The following MTF2 variants were observed in gnomAD, a reference collection of about 807,000 sequenced individuals.
MTF2 encodes metal-response element-binding transcription factor 2.
MTF2 carries 11 observed loss-of-function variants against 79.5 expected under a neutral mutation model. The observed-to-expected ratio is 0.14, with a 90% CI of 0.09 to 0.23. MTF2 has a LOEUF of 0.23. MTF2 is among the 10% of genes least tolerant of loss of function. The probability of loss-of-function intolerance (pLI) is 1.00; values close to 1 mark genes in which losing one functional copy is unlikely to be tolerated. For missense variants in MTF2, 486 were observed against 711.2 expected (o/e 0.68, Z 3.60); for synonymous variants, 208 against 232.8 (o/e 0.89, Z 0.97).
intron 1 of MTF2, among the ~76,000 whole-genome samples, chr1:93,105,739 G>C (rs915893178): frequency 6.6e-6 from 1 of 151,690 alleles, no homozygotes; most frequent in African/African-American, 2.4e-5. Context: ...GCAATGCTGC[G>C]GTCTCGGCTC....
At chr1:93,118,304 G>A in intron 6 of MTF2, 41 bp from the exon 7 acceptor site, 4 of 1,134,668 alleles carry the variant, frequency 3.5e-6, no homozygotes, top group South Asian at 3.1e-5. Flanking sequence ...TTTCCCTTAA[G>A]ACAGGAATTT....
At chr1:93,101,683 T>A (rs2101042625) in intron 1 of MTF2, among the ~76,000 whole-genome samples, 1 of 146,172 alleles carries the variant, frequency 6.8e-6, no homozygotes, top group Admixed American at 7.1e-5. Context: ...GCTCACGCAA[T>A]TCTCCCATCT....
At chr1:93,111,340 C>G (rs1299787863) in intron 3 of MTF2, among the ~76,000 whole-genome samples, 1 of 152,054 alleles carries the variant, frequency 6.6e-6, no homozygotes, top group Non-Finnish European at 1.5e-5. Context: ...TTTCCTTTTG[C>G]TGGGTTAATA....
chr1:93,114,685 T>G lies in MTF2; in HGVS notation c.287-3T>G, dbSNP rs1269934700. 6.3e-7 allele frequency: 1 copy of G among 1,583,714 alleles called. No homozygotes were observed. Among genetic ancestry groups the G allele is most frequent in the Non-Finnish European group, 8.5e-7 (1 of 1,169,816 alleles). ...CTTTTTTAATGTGTTTTAAATATTT[T>G]AGGAGCCACTGGAAGTGGGGAAATG... On this transcript the variant is annotated splice_polypyrimidine_tract_variant and splice_region_variant and intron_variant, in intron 3 of 14. Coordinates refer to ENST00000370298, the MANE Select transcript of MTF2 (RefSeq NM_007358.4).
intron 5 of MTF2, 88 bp from the exon 6 acceptor site, chr1:93,115,382 C>G: frequency 9.2e-7 from 1 of 1,091,884 alleles, no homozygotes. Context: ...GGAAATTTCT[C>G]CAGAAGTGTC....
chr1:93,117,024 TTAA>T, intron 6 of MTF2, among the ~76,000 whole-genome samples: 1 of 152,154 alleles, frequency 6.6e-6, no homozygotes, highest in East Asian at 1.9e-4. Context: ...AGATACAATA[TTAA>T]TAATAATGAA....
chr1:93,120,715 TTTTTG>T, intron 9 of MTF2, 43 bp downstream of exon 9: 6 of 1,581,766 alleles, frequency 3.8e-6, no homozygotes, highest in Admixed American at 3.9e-5. Context: ...CTTGATGTCT[TTTTTG>T]TTTTGTTTTG....
intron 9 of MTF2, among the ~76,000 whole-genome samples, chr1:93,126,267 C>T (rs558847560): frequency 6.6e-6 from 1 of 152,106 alleles, no homozygotes; most frequent in African/African-American, 2.4e-5. Flanking sequence ...ACCAACTAGA[C>T]AGGTGAATTT....
intron 9 of MTF2, among the ~76,000 whole-genome samples, chr1:93,126,809 T>C (rs1434448544): frequency 6.6e-6 from 1 of 152,116 alleles, no homozygotes; most frequent in Non-Finnish European, 1.5e-5. Flanking sequence ...TGTTTCTTAC[T>C]ACTTTTTGTA....
intron 9 of MTF2, among the ~76,000 whole-genome samples, chr1:93,124,597 A>T (rs916782574): frequency 1.3e-4 from 20 of 152,070 alleles, no homozygotes; most frequent in Non-Finnish European, 7.4e-5. Context: ...CTAGAGGAAA[A>T]TATACAATAG....
intron 14 of MTF2, among the ~76,000 whole-genome samples, chr1:93,136,342 G>C (rs1647399121): frequency 1.3e-5 from 2 of 152,134 alleles, no homozygotes; most frequent in South Asian, 4.1e-4. Flanking sequence ...TTTAAATGAT[G>C]TGATTATTGG....
intron 1 of MTF2, among the ~76,000 whole-genome samples, chr1:93,108,438 T>A (rs1164220154): frequency 6.6e-6 from 1 of 152,184 alleles, no homozygotes; most frequent in African/African-American, 2.4e-5. Flanking sequence ...ACAGTTTTGC[T>A]GGATATAAGA....
intron 1 of MTF2, among the ~76,000 whole-genome samples, chr1:93,086,699 A>G (rs748610911): frequency 1.3e-5 from 2 of 152,092 alleles, no homozygotes; most frequent in Non-Finnish European, 2.9e-5. Context: ...TCAGCCTAGT[A>G]ATTATGTTAG....
At chr1:93,135,655 A>G (rs1014101040) in intron 14 of MTF2, among the ~76,000 whole-genome samples, 2 of 152,196 alleles carry the variant, frequency 1.3e-5, no homozygotes, top group African/African-American at 4.8e-5. Flanking sequence ...TCCCTACAAA[A>G]GAAAAAAATT....
At chr1:93,110,927 G>A (rs1162126065) in intron 3 of MTF2, among the ~76,000 whole-genome samples, 1 of 152,176 alleles carries the variant, frequency 6.6e-6, no homozygotes, top group Non-Finnish European at 1.5e-5. Context: ...TTCAACTGTT[G>A]CTTGCTTATA....
intron 1 of MTF2, among the ~76,000 whole-genome samples, chr1:93,099,043 C>T (rs1655418475): frequency 6.6e-6 from 1 of 152,144 alleles, no homozygotes; most frequent in African/African-American, 2.4e-5. Context: ...CCCAGTTGTC[C>T]AGCCGCTCAG....
chr1:93,086,241 C>T (rs577498837), intron 1 of MTF2, among the ~76,000 whole-genome samples: 27 of 152,234 alleles, frequency 1.8e-4, no homozygotes, highest in South Asian at 1.7e-3. Context: ...CATTGGCTCA[C>T]GCCTGTAATC....
chr1:93,121,321 A>G, intron 9 of MTF2: 2 of 853,066 alleles, frequency 2.3e-6, no homozygotes, highest in South Asian at 5.4e-5. Flanking sequence ...AGTAACTAGA[A>G]TAAGTTTAAT....
At position 93,121,330 on chromosome 1, in the gene MTF2, ATAGT is replaced by A. The variant is rs1242561160; in HGVS notation, c.921+662_921+665del. ...GAGAAAAGTAACTAGAATAAGTTTA[ATAGT>A]TAGGGACCTTATTTTTAGCTTTTAT... On this transcript the variant is annotated intron_variant, in intron 9 of 14. Coordinates refer to ENST00000370298, the MANE Select transcript of MTF2 (RefSeq NM_007358.4). The A allele has an allele frequency of 6.0e-5, 50 of 837,664 alleles. No individual in the cohort carries two copies. In the African/African-American group the frequency reaches 7.8e-4, roughly 13 times the overall value. The allele number at this position is 837,664 out of a possible 1,614,324, so 51.9% of individuals were successfully genotyped here. A position where few individuals can be genotyped will look rare whatever the true frequency, so the allele number is the denominator to read the frequency against.
Sources: allele counts gnomAD v4.1 joint callset (sites outside exome capture counted in the v4.1 genomes callset), GRCh38; gene constraint gnomAD v4.1.1; transcripts MANE v1.5; gene names NCBI Gene and HGNC (gene_info 2026-07-23, HGNC 2026-07-21).